CNTN3: variants seen among roughly 807,000 people sequenced by gnomAD.
The protein encoded by CNTN3 is contactin-3.
Under a neutral mutation model 119.1 loss-of-function variants are expected in CNTN3, and 60 were observed. That is an observed-to-expected ratio of 0.50 (90% CI 0.41 to 0.62). CNTN3 has a LOEUF of 0.62. CNTN3 is among the 20% of genes least tolerant of loss of function. CNTN3 has a pLI of 0.00. For missense variants in CNTN3, 1,101 were observed against 1,242.4 expected (o/e 0.89, Z 1.71); for synonymous variants, 450 against 438.7 (o/e 1.03, Z -0.32).
chr3:74,511,667 C>G (rs934060201), intron 2 of CNTN3, among the ~76,000 whole-genome samples: 5 of 151,920 alleles, frequency 3.3e-5, no homozygotes, highest in Non-Finnish European at 1.5e-5. Flanking sequence ...AGACCCCTGT[C>G]TCTAAAAACA....
intron 1 of CNTN3, among the ~76,000 whole-genome samples, chr3:74,599,413 C>A (rs1423849153): frequency 1.3e-5 from 2 of 152,092 alleles, no homozygotes; most frequent in African/African-American, 4.8e-5. Context: ...CACTCTCCAA[C>A]CTTTTTGGCA....
intron 1 of CNTN3, among the ~76,000 whole-genome samples, chr3:74,537,071 G>A (rs1023555889): frequency 8.6e-5 from 13 of 151,968 alleles, no homozygotes; most frequent in Non-Finnish European, 1.6e-4. Flanking sequence ...AGGAGTTTGA[G>A]GCCTCTGAAT....
At chr3:74,581,728 T>G (rs1704512309) in intron 1 of CNTN3, among the ~76,000 whole-genome samples, 1 of 152,092 alleles carries the variant, frequency 6.6e-6, no homozygotes, top group African/African-American at 2.4e-5. Flanking sequence ...CTACGACAAT[T>G]TAGACAGTGT....
intron 1 of CNTN3, 25 bp from the exon 2 acceptor site, chr3:74,521,217 T>G: frequency 2.2e-6 from 1 of 452,364 alleles, no homozygotes; most frequent in Non-Finnish European, 3.7e-6. Flanking sequence ...TACAAAGAAG[T>G]TCGTTAAAAA....
At chr3:74,396,815 A>G (rs1705069424) in intron 5 of CNTN3, among the ~76,000 whole-genome samples, 1 of 150,824 alleles carries the variant, frequency 6.6e-6, no homozygotes, top group African/African-American at 2.4e-5. Context: ...AAGCTAGCAG[A>G]GGTTTATGAG....
chr3:74,319,066 A>G (rs965884258), intron 13 of CNTN3, among the ~76,000 whole-genome samples: 1 of 152,228 alleles, frequency 6.6e-6, no homozygotes, highest in East Asian at 1.9e-4. Flanking sequence ...GGAAGAATCA[A>G]TATCGTTTAA....
chr3:74,595,777 C>T (rs1234513595), intron 1 of CNTN3, among the ~76,000 whole-genome samples: 1 of 152,110 alleles, frequency 6.6e-6, no homozygotes, highest in African/African-American at 2.4e-5. Context: ...TGAAAACTGG[C>T]ACAAGACAGG....
intron 1 of CNTN3, among the ~76,000 whole-genome samples, chr3:74,527,603 G>A (rs1398206480): frequency 1.3e-5 from 2 of 151,822 alleles, no homozygotes; most frequent in Non-Finnish European, 2.9e-5. Flanking sequence ...AAGCTAAAGG[G>A]ACAAGACACA....
intron 4 of CNTN3, among the ~76,000 whole-genome samples, chr3:74,435,379 G>A (rs1701849305): frequency 6.6e-6 from 1 of 152,086 alleles, no homozygotes; most frequent in Non-Finnish European, 1.5e-5. Context: ...GTTTTACCAT[G>A]TTGCCCAGGC....
chr3:74,419,248 G>A (rs1701579633), intron 5 of CNTN3, among the ~76,000 whole-genome samples: 1 of 152,184 alleles, frequency 6.6e-6, no homozygotes, highest in South Asian at 2.1e-4. Context: ...AAAAACACTA[G>A]TCATGTGTCT....
At chr3:74,281,516 T>C (rs962154877) in intron 20 of CNTN3, among the ~76,000 whole-genome samples, 2 of 151,922 alleles carry the variant, frequency 1.3e-5, no homozygotes, top group African/African-American at 4.8e-5. Flanking sequence ...CTTATATTTT[T>C]CTCTGTCTCA....
Position 74,336,608 on chromosome 3 carries a change from G to C in CNTN3, c.1415C>G (p.Ala472Gly). Residue 472 changes from alanine (A) to glycine (G), a missense_variant, in exon 12 of 23, where the codon GCT becomes GGT. Ala to Gly is a moderately conservative substitution (Grantham distance 60, BLOSUM62 0). Coordinates refer to ENST00000263665, the MANE Select transcript of CNTN3 (RefSeq NM_020872.3). ...GGLKIANVTK[A>G]DAGTYTCMAE... ...CATGCAGGTGTAAGTTCCAGCATCA[G>C]CTTTAGTCACATTGGCTATTTTGAG... is the stretch of plus-strand genomic sequence containing the variant. 1 of 1,612,138 alleles carries C rather than the reference G, an allele frequency of 6.2e-7. No homozygotes were observed. Among genetic ancestry groups the C allele is most frequent in the African/African-American group, 1.3e-5 (1 of 74,954 alleles).
intron 19 of CNTN3, among the ~76,000 whole-genome samples, chr3:74,287,656 A>T (rs1190287757): frequency 1.3e-5 from 2 of 152,184 alleles, no homozygotes; most frequent in Non-Finnish European, 2.9e-5. Context: ...CTCAGTCCCT[A>T]GGAGAGCTGA....
chr3:74,285,746 G>A lies in CNTN3; in HGVS notation c.2518-255C>T, dbSNP rs538061977. 4.9e-5 allele frequency among the ~76,000 whole-genome samples: 3 copies of A among 60,648 alleles called. No homozygotes were observed. The Admixed American group carries it at 6.2e-4, about 13-fold the overall frequency. The allele number at this position is 60,648 out of a possible 152,430, so 39.8% of individuals were successfully genotyped here. The stretch of plus-strand genomic sequence containing the variant: ...GATAAATTCAAACAGAACAAATGCT[G>A]AGCAAGCCAGACTATGAGATTATAA... On this transcript the variant is annotated intron_variant, in intron 19 of 22. Transcript: ENST00000263665.
At chr3:74,264,585 C>T in intron 22 of CNTN3, 84 bp from the exon 23 acceptor site, 5 of 803,188 alleles carry the variant, frequency 6.2e-6, no homozygotes, top group South Asian at 2.2e-5. Context: ...TTGTGGTGTT[C>T]CCCCCAAATT....
At chr3:74,403,288 A>G (rs370849495) in intron 5 of CNTN3, among the ~76,000 whole-genome samples, 3 of 152,176 alleles carry the variant, frequency 2.0e-5, no homozygotes, top group African/African-American at 7.2e-5. Flanking sequence ...AATTGCTGAC[A>G]GAATATAAGG....
At chr3:74,490,265 T>C (rs1702938477) in intron 3 of CNTN3, among the ~76,000 whole-genome samples, 1 of 152,218 alleles carries the variant, frequency 6.6e-6, no homozygotes, top group Non-Finnish European at 1.5e-5. Flanking sequence ...AAAGCTCCTC[T>C]AAACCCAAAT....
chr3:74,278,043 T>C (rs1222910116), intron 20 of CNTN3, among the ~76,000 whole-genome samples: 2 of 149,198 alleles, frequency 1.3e-5, no homozygotes, highest in Admixed American at 6.7e-5. Flanking sequence ...AAACCACTTA[T>C]GAATATACCT....
chr3:74,418,562 A>G (rs549334396), intron 5 of CNTN3, among the ~76,000 whole-genome samples: 8 of 151,744 alleles, frequency 5.3e-5, no homozygotes, highest in African/African-American at 1.5e-4. Flanking sequence ...GCTGGTCTCC[A>G]TCTCCCAACC....
Sources: allele counts gnomAD v4.1 joint callset (sites outside exome capture counted in the v4.1 genomes callset), GRCh38; gene constraint gnomAD v4.1.1; transcripts MANE v1.5; gene names NCBI Gene and HGNC (gene_info 2026-07-23, HGNC 2026-07-21).